Variants in UBAP2 observed in about 807,000 individuals in gnomAD.
The protein encoded by UBAP2 is ubiquitin associated protein 2.
UBAP2 carries 75 observed loss-of-function variants against 139.6 expected under a neutral mutation model. That is an observed-to-expected ratio of 0.54 (90% CI 0.45 to 0.65). The LOEUF (loss-of-function observed/expected upper bound fraction) is 0.65, where lower values mean the gene tolerates loss of function less well. Among genes scored for constraint, UBAP2 ranks in the 30% least tolerant of loss-of-function variants. The pLI, the probability that UBAP2 is intolerant of heterozygous loss-of-function variation, is 0.00. For missense variants in UBAP2, 1,368 were observed against 1,369.6 expected (o/e 1.00, Z 0.02); for synonymous variants, 526 against 526.2 (o/e 1.00, Z 0.01).
intron 16 of UBAP2, among the ~76,000 whole-genome samples, chr9:33,936,922 A>G: frequency 1.4e-5 from 1 of 72,502 alleles, no homozygotes; most frequent in Non-Finnish European, 2.5e-5. Context: ...GCAAAACTCC[A>G]GCTCAAAAAA....
intron 16 of UBAP2, among the ~76,000 whole-genome samples, chr9:33,937,888 G>A (rs1450588621): frequency 6.6e-6 from 1 of 152,084 alleles, no homozygotes. Flanking sequence ...TGGCACTCCA[G>A]CCTGGGCAAC....
rs1587494777 is a variant in UBAP2 at position 33,922,753 on chromosome 9, G to A, written c.3198C>T (p.His1066=). 3 of 1,559,180 alleles carry A rather than the reference G, an allele frequency of 1.9e-6. No homozygotes were observed. The highest frequency in any genetic ancestry group is 4.5e-5 in the East Asian group (2 of 44,542). ...GGGGCTGCTGGTGGGCTGGCAAGAT[G>A]TGTAGGAATGGTGGGGGTGCATAGC... ...APGYAPPPFL[H]ILPAHQQPHS... Residue 1066 remains histidine (H), a synonymous_variant, in exon 28 of 29, where the codon CAC becomes CAT. Transcript: ENST00000379238.
chr9:33,980,090 T>C (rs1820504885), intron 6 of UBAP2, among the ~76,000 whole-genome samples: 1 of 151,714 alleles, frequency 6.6e-6, no homozygotes, highest in Non-Finnish European at 1.5e-5. Flanking sequence ...AACAAAAAAC[T>C]GTATCATGGA....
At chr9:33,927,447 A>G (rs1823545333) in intron 20 of UBAP2, among the ~76,000 whole-genome samples, 1 of 152,212 alleles carries the variant, frequency 6.6e-6, no homozygotes. Context: ...AGTCGGTTTT[A>G]GCAGCGACCA....
Position 33,953,457 on chromosome 9 carries a change from A to G in UBAP2, c.884T>C (p.Leu295Ser). The change falls in exon 12 of 29, where the codon TTG becomes TCG. Residue 295 changes from leucine (L) to serine (S), a missense_variant. Coordinates refer to ENST00000379238, the MANE Select transcript of UBAP2 (RefSeq NM_001370062.2). The stretch of plus-strand genomic sequence containing the variant: ...ACTGTGAGGAACAGGCTTCTGGAGC[A>G]AGGCTACCAGATCAATGCTAAGCAG... ...LPGQSIDLVA[L>S]LQKPVPHSQA... 6.2e-7 allele frequency: 1 copy of G among 1,614,070 alleles called. No individual in the cohort carries two copies. The highest frequency in any genetic ancestry group is 8.5e-7 in the Non-Finnish European group (1 of 1,179,970).
At chr9:34,023,236 A>G (rs1825119227) in intron 1 of UBAP2, among the ~76,000 whole-genome samples, 1 of 151,468 alleles carries the variant, frequency 6.6e-6, no homozygotes, top group Non-Finnish European at 1.5e-5. Context: ...AAAAAAAAAG[A>G]AAGAAAATAA....
At position 34,004,716 on chromosome 9, in the gene UBAP2, G is replaced by A. The variant is rs368139124; in HGVS notation, c.100-5852C>T. ...GGACAATGGCGTGAACCTGGCAGGCGGAGCTTGCAGTGAGCCGAGATAGCG... is the reference window on the plus strand; with the variant it reads ...GGACAATGGCGTGAACCTGGCAGGCAGAGCTTGCAGTGAGCCGAGATAGCG... On this transcript the variant is annotated intron_variant, in intron 2 of 28. Coordinates refer to ENST00000379238, the MANE Select transcript of UBAP2 (RefSeq NM_001370062.2). Among the ~76,000 whole-genome samples, 38 of 150,708 alleles carry A rather than the reference G, an allele frequency of 2.5e-4. No individual in the cohort carries two copies. The East Asian group carries it at 2.6e-3, about 10-fold the overall frequency.
intron 2 of UBAP2, among the ~76,000 whole-genome samples, chr9:34,004,701 G>A (rs559668543): frequency 4.7e-5 from 7 of 150,500 alleles, no homozygotes; most frequent in East Asian, 4.0e-4. Context: ...GGACAATGGC[G>A]TGAACCTGGC....
chr9:33,923,773 T>C (rs1417419705), intron 24 of UBAP2, 22 bp downstream of exon 24: 9 of 1,612,632 alleles, frequency 5.6e-6, no homozygotes, highest in South Asian at 4.4e-5. Flanking sequence ...GGAGACACAG[T>C]CACACCCTCT....
intron 2 of UBAP2, among the ~76,000 whole-genome samples, chr9:34,005,156 A>C (rs1246891822): frequency 6.6e-6 from 1 of 151,666 alleles, no homozygotes; most frequent in Non-Finnish European, 1.5e-5. Flanking sequence ...CCAACTACTC[A>C]GGAGGTTGAG....
intron 1 of UBAP2, among the ~76,000 whole-genome samples, chr9:34,030,042 T>G (rs901681682): frequency 6.6e-6 from 1 of 151,318 alleles, no homozygotes; most frequent in Non-Finnish European, 1.5e-5. Flanking sequence ...GGCTCACGCC[T>G]GTAATCCCAA....
chr9:34,016,251 G>C (rs183938457), intron 2 of UBAP2, among the ~76,000 whole-genome samples: 1 of 18,268 alleles, frequency 5.5e-5, no homozygotes, highest in Non-Finnish European at 1.8e-4. Flanking sequence ...AGGAAGAGGA[G>C]GAGGAGGAAG....
intron 4 of UBAP2, 173 bp downstream of exon 4, chr9:33,996,050 A>T: frequency 1.9e-6 from 1 of 540,350 alleles, no homozygotes; most frequent in Non-Finnish European, 3.2e-6. Context: ...TCATGAAGAA[A>T]CCATACATAA....
In UBAP2 at chr9:34,014,773, C is replaced by CAA. The variant is rs11465085; in HGVS notation, c.99+2275_99+2276dup. Among the ~76,000 whole-genome samples the CAA allele has an allele frequency of 8.8e-3, 1,109 of 125,988 alleles. 11 individuals are homozygous for CAA. Among genetic ancestry groups the CAA allele is most frequent in the African/African-American group, 0.012 (398 of 32,930 alleles). The allele number at this position is 125,988 out of a possible 152,430, so 82.7% of individuals were successfully genotyped here. A position where few individuals can be genotyped will look rare whatever the true frequency, so the allele number is the denominator to read the frequency against. On this transcript the variant is annotated intron_variant, in intron 2 of 28. Coordinates refer to ENST00000379238, the MANE Select transcript of UBAP2 (RefSeq NM_001370062.2). ...CTGGCCACTGCGACAGACTCCGTCTCAAAAAAAAAAAAAAAAAGACCATTC... is the reference window on the plus strand; with the variant it reads ...CTGGCCACTGCGACAGACTCCGTCTCAAAAAAAAAAAAAAAAAAAGACCATTC...
At position 33,923,996 on chromosome 9, in the gene UBAP2, A is replaced by G. The variant is rs930048025; in HGVS notation, c.2595T>C (p.Asp865=). 6.2e-7 allele frequency: 1 copy of G among 1,613,448 alleles called. No individual in the cohort carries two copies. The highest frequency in any genetic ancestry group is 1.3e-5 in the African/African-American group (1 of 74,884). The change falls in exon 24 of 29, where the codon GAT becomes GAC. Residue 865 remains aspartate, a synonymous_variant. Coordinates refer to ENST00000379238, the MANE Select transcript of UBAP2 (RefSeq NM_001370062.2). ...GSLANNPYPG[D]VTKFGRGDSA... is the part of the protein sequence containing the mutation. ...AGTCCCCACGGCCAAACTTTGTGAC[A>G]TCACCTAGGAAAGAGCACTGACTCC...
At chr9:33,928,733 G>C (rs1240989534) in intron 19 of UBAP2, 2 of 152,330 alleles carry the variant, frequency 1.3e-5, no homozygotes, top group Admixed American at 6.5e-5. Flanking sequence ...GCAGGTAGGT[G>C]GGGGGCACAC....
At chr9:33,977,778 T>G (rs1355186180) in intron 6 of UBAP2, among the ~76,000 whole-genome samples, 3 of 151,500 alleles carry the variant, frequency 2.0e-5, no homozygotes, top group Admixed American at 6.6e-5. Flanking sequence ...TTCTTGTGCC[T>G]CAGTCTCCCG....
intron 1 of UBAP2, among the ~76,000 whole-genome samples, chr9:34,044,807 AG>A (rs1020704325): frequency 1.3e-5 from 2 of 151,970 alleles, no homozygotes; most frequent in Admixed American, 1.3e-4. Flanking sequence ...CAGAGGTTGC[AG>A]TGGGCGAAGA....
intron 4 of UBAP2, among the ~76,000 whole-genome samples, chr9:33,989,917 G>T (rs1369063186): frequency 6.6e-6 from 1 of 152,010 alleles, no homozygotes; most frequent in Non-Finnish European, 1.5e-5. Flanking sequence ...ATTTTAGCTT[G>T]GTTTTGGTGG....
Sources: gnomAD v4.1 joint callset for allele counts (sites outside exome capture counted in the v4.1 genomes callset) on GRCh38, gnomAD v4.1.1 for gene constraint, MANE v1.5 for transcripts, NCBI Gene and HGNC (gene_info 2026-07-23, HGNC 2026-07-21) for gene names.